The following HECW2 variants were observed in gnomAD, a reference collection of about 807,000 sequenced individuals.
HECW2 encodes E3 ubiquitin-protein ligase HECW2.
HECW2 carries 61 observed loss-of-function variants against 175.2 expected under a neutral mutation model. That is an observed-to-expected ratio of 0.35 (90% CI 0.28 to 0.43). HECW2 has a LOEUF of 0.43. Among genes scored for constraint, HECW2 ranks in the 20% least tolerant of loss-of-function variants. The pLI is 1.00. For missense variants in HECW2, 1,524 were observed against 2,000.5 expected (o/e 0.76, Z 4.54); for synonymous variants, 671 against 731.0 (o/e 0.92, Z 1.32).
chr2:196,440,875 G>A (rs1696020296), intron 1 of HECW2, among the ~76,000 whole-genome samples: 1 of 152,026 alleles, frequency 6.6e-6, no homozygotes, highest in Non-Finnish European at 1.5e-5. Context: ...TTCCCAGTGG[G>A]CACAATTTAA....
chr2:196,521,281 A>G (rs1352091596), intron 1 of HECW2, among the ~76,000 whole-genome samples: 1 of 137,678 alleles, frequency 7.3e-6, no homozygotes, highest in Non-Finnish European at 1.5e-5. Flanking sequence ...AACGTGAGTA[A>G]CAAAAAAAAA....
intron 1 of HECW2, among the ~76,000 whole-genome samples, chr2:196,521,421 A>AT (rs1424455988): frequency 6.6e-6 from 1 of 151,948 alleles, no homozygotes; most frequent in African/African-American, 2.4e-5. Flanking sequence ...AGAAACTTAT[A>AT]TATGAATATT....
intron 1 of HECW2, among the ~76,000 whole-genome samples, chr2:196,518,892 C>T (rs1313380716): frequency 2.0e-5 from 3 of 152,084 alleles, no homozygotes; most frequent in Non-Finnish European, 4.4e-5. Context: ...CAGTATCCCA[C>T]GGTGTTGGCG....
At chr2:196,432,027 T>C (rs1179204916) in intron 2 of HECW2, among the ~76,000 whole-genome samples, 6 of 152,240 alleles carry the variant, frequency 3.9e-5, no homozygotes, top group Non-Finnish European at 5.9e-5. Flanking sequence ...AGTGGTGCTA[T>C]TGGCATTTGG....
chr2:196,516,804 T>C (rs865937993), intron 1 of HECW2, among the ~76,000 whole-genome samples: 1 of 152,180 alleles, frequency 6.6e-6, no homozygotes, highest in Non-Finnish European at 1.5e-5. Flanking sequence ...CATTGCGAGA[T>C]GAGCTGTTCA....
chr2:196,554,723 C>T (rs999909205), intron 1 of HECW2, among the ~76,000 whole-genome samples: 2 of 152,316 alleles, frequency 1.3e-5, no homozygotes, highest in East Asian at 3.9e-4. Flanking sequence ...CCACCAGCTT[C>T]ATCTTCCAGC....
intron 22 of HECW2, 51 bp from the exon 23 acceptor site, chr2:196,225,921 G>A (rs982553081): frequency 1.7e-6 from 2 of 1,173,134 alleles, no homozygotes; most frequent in African/African-American, 3.0e-5. Context: ...CAGTTTCTAG[G>A]TGGTTCCATA....
intron 13 of HECW2, among the ~76,000 whole-genome samples, chr2:196,301,041 C>G (rs966486441): frequency 6.6e-5 from 10 of 151,342 alleles, no homozygotes; most frequent in Non-Finnish European, 1.2e-4. Flanking sequence ...TACCCCACCC[C>G]CGACAGGCAC....
At chr2:196,432,066 C>T (rs988668575) in intron 2 of HECW2, among the ~76,000 whole-genome samples, 1 of 152,148 alleles carries the variant, frequency 6.6e-6, no homozygotes, top group African/African-American at 2.4e-5. Context: ...GGAGGCTGTC[C>T]TTTACATTGT....
intron 1 of HECW2, among the ~76,000 whole-genome samples, chr2:196,570,641 T>C (rs947880849): frequency 6.6e-6 from 1 of 152,206 alleles, no homozygotes; most frequent in Non-Finnish European, 1.5e-5. Flanking sequence ...ACATGGCACA[T>C]GTATACCTAT....
intron 18 of HECW2, among the ~76,000 whole-genome samples, chr2:196,255,911 A>G (rs1689037357): frequency 2.6e-5 from 4 of 152,186 alleles, no homozygotes; most frequent in African/African-American, 4.8e-5. Flanking sequence ...CGTCTCTATT[A>G]AAATACAAAA....
chr2:196,328,547 C>A (rs564477614), intron 5 of HECW2, among the ~76,000 whole-genome samples: 2 of 152,142 alleles, frequency 1.3e-5, no homozygotes, highest in Non-Finnish European at 2.9e-5. Context: ...GGTAATTATG[C>A]TTTGTGGAAT....
At chr2:196,534,507 A>G (rs1292021428) in intron 1 of HECW2, among the ~76,000 whole-genome samples, 3 of 152,196 alleles carry the variant, frequency 2.0e-5, no homozygotes, top group Non-Finnish European at 4.4e-5. Flanking sequence ...GAATCTTTTC[A>G]GCCTCAGAAA....
chr2:196,508,159 A>G (rs1340615545), intron 1 of HECW2, among the ~76,000 whole-genome samples: 1 of 152,230 alleles, frequency 6.6e-6, no homozygotes, highest in African/African-American at 2.4e-5. Context: ...AACAAAAGTT[A>G]GGAGACATAA....
rs531920307 is a variant in HECW2, at chr2:196,278,133, A to AAAAAAAAAATATATATATATATATATAT, written c.3135+394_3135+395insATATATATATATATATATATTTTTTTTT. Among the ~76,000 whole-genome samples, 21 of 66,560 alleles carry AAAAAAAAAATATATATATATATATATAT rather than the reference A, an allele frequency of 3.2e-4. 1 individual carries two copies. Among genetic ancestry groups the AAAAAAAAAATATATATATATATATATAT allele is most frequent in the Non-Finnish European group, 6.3e-4 (19 of 30,282 alleles). 43.7% of individuals were successfully genotyped at this position (66,560 alleles called of 152,430 possible). A position where few individuals can be genotyped will look rare whatever the true frequency, so the allele number is the denominator to read the frequency against. On this transcript the variant is annotated intron_variant, in intron 15 of 28. Coordinates refer to ENST00000644978, the MANE Select transcript of HECW2 (RefSeq NM_001348768.2). ...CCTAGAACTTAAAGTATAATTAAAA[A>AAAAAAAAAATATATATATATATATATAT]ATATATATATATATATATAAAGAAA... is the stretch of plus-strand genomic sequence containing the variant.
intron 13 of HECW2, among the ~76,000 whole-genome samples, chr2:196,298,726 C>T (rs1156882121): frequency 1.3e-5 from 2 of 152,088 alleles, no homozygotes; most frequent in Non-Finnish European, 2.9e-5. Flanking sequence ...GTTCAATTCC[C>T]ACCTATTTTT....
At chr2:196,460,022 C>A (rs114781977) in intron 1 of HECW2, among the ~76,000 whole-genome samples, 1 of 152,154 alleles carries the variant, frequency 6.6e-6, no homozygotes, top group East Asian at 1.9e-4. Flanking sequence ...TTCTTCTCAC[C>A]CTCCAATTGT....
intron 2 of HECW2, among the ~76,000 whole-genome samples, chr2:196,411,533 C>T (rs1264639006): frequency 2.0e-5 from 3 of 152,230 alleles, no homozygotes; most frequent in African/African-American, 7.2e-5. Context: ...AAAGTCCAGA[C>T]ATCTAGGGCA....
chr2:196,385,190 G>A (rs1192620283), intron 2 of HECW2, among the ~76,000 whole-genome samples: 1 of 152,042 alleles, frequency 6.6e-6, no homozygotes, highest in Non-Finnish European at 1.5e-5. Flanking sequence ...GGGATTACAA[G>A]CATGAGCCAT....
Sources: gnomAD v4.1 joint callset for allele counts (sites outside exome capture counted in the v4.1 genomes callset) on GRCh38, gnomAD v4.1.1 for gene constraint, MANE v1.5 for transcripts, NCBI Gene and HGNC (gene_info 2026-07-23, HGNC 2026-07-21) for gene names.